Variants in ADH4 observed in about 807,000 individuals in gnomAD.
ADH4 encodes the protein alcohol dehydrogenase 4 (class II), pi polypeptide, also known as all-trans-retinol dehydrogenase [NAD(+)] ADH4.
Under a neutral mutation model 35.2 loss-of-function variants are expected in ADH4, and 31 were observed. The ratio of observed to expected loss-of-function variants is 0.88; its 90% CI spans 0.66 to 1.19. The LOEUF is 1.19. Among genes scored for constraint, ADH4 ranks in the 50% most tolerant of loss-of-function variants. The pLI is 0.00. For synonymous variants in ADH4, 171 were observed against 160.2 expected, an observed-to-expected ratio of 1.07 and a Z score of -0.51; for missense variants, 476 against 458.3, an observed-to-expected ratio of 1.04 and a Z score of -0.35.
chr4:99,134,804 C>T (rs1432783347), intron 5 of ADH4, among the ~76,000 whole-genome samples: 1 of 151,006 alleles, frequency 6.6e-6, no homozygotes, highest in South Asian at 2.1e-4. Context: ...ATAAAATTCT[C>T]AATGAAGAGT....
intron 5 of ADH4, chr4:99,133,883 T>G (rs1311711978): frequency 6.6e-6 from 1 of 152,152 alleles, no homozygotes; most frequent in Non-Finnish European, 1.5e-5. Context: ...TATTTATCAA[T>G]AATATTAGGT....
intron 1 of ADH4, 116 bp from the exon 2 acceptor site, chr4:99,142,896 T>C (rs1729676570): frequency 3.1e-6 from 2 of 646,546 alleles, no homozygotes; most frequent in Non-Finnish European, 2.6e-6. Context: ...TGTAATTTCA[T>C]GACAAAGAGT....
rs756426209 is a variant in ADH4 at position 99,126,607 on chromosome 4, T to G, written c.1105A>C (p.Asn369His). The G allele has an allele frequency of 6.2e-7, 1 of 1,607,354 alleles. No homozygotes were observed. Among genetic ancestry groups the G allele is most frequent in the Admixed American group, 1.7e-5 (1 of 59,918 alleles). ...TTAGTAATGTACCTTTTTCCTTGGT[T>G]CATTAGGTCAAATGCCTCACTGATT... ...DKISEAFDLM[N>H]QGKSVRTILI... is the part of the protein sequence containing the mutation. Residue 369 changes from asparagine (N) to histidine (H), a missense_variant, in exon 8 of 9, where the codon AAC becomes CAC. Transcript: ENST00000265512.
At chr4:99,130,418 C>A (rs1479606729) in intron 6 of ADH4, among the ~76,000 whole-genome samples, 4 of 152,158 alleles carry the variant, frequency 2.6e-5, no homozygotes, top group African/African-American at 4.8e-5. Context: ...TGTTAGTAAA[C>A]AATCCTTGTG....
chr4:99,140,760 G>A (rs1369786870), intron 3 of ADH4, among the ~76,000 whole-genome samples: 2 of 151,480 alleles, frequency 1.3e-5, no homozygotes, highest in African/African-American at 2.4e-5. Flanking sequence ...CCAGCTACTC[G>A]GGAGGCTGAA....
At position 99,124,092 on chromosome 4, in the gene ADH4, C is replaced by T. The variant is rs1264927918; in HGVS notation, c.*350G>A. 1 of 204,474 alleles carries T rather than the reference C, an allele frequency of 4.9e-6. No homozygotes were observed. Among genetic ancestry groups the T allele is most frequent in the Non-Finnish European group, 9.6e-6 (1 of 104,390 alleles). The allele number at this position is 204,474 out of a possible 1,614,324, so 12.7% of individuals were successfully genotyped here. ...GTGGAGAGAAAAGTATAATGAAACT[C>T]CATGTATTCATTACCCAATCTAAAA... On this transcript the variant is annotated 3_prime_UTR_variant, in exon 9 of 9. Coordinates refer to ENST00000265512, the MANE Select transcript of ADH4 (RefSeq NM_000670.5).
chr4:99,124,945 G>C (rs1235924083), intron 8 of ADH4, among the ~76,000 whole-genome samples: 1 of 152,136 alleles, frequency 6.6e-6, no homozygotes, highest in Non-Finnish European at 1.5e-5. Context: ...CTCAAGGACA[G>C]AGCAGTCTTT....
chr4:99,141,477 C>A, intron 3 of ADH4, 64 bp downstream of exon 3: 1 of 1,494,664 alleles, frequency 6.7e-7, no homozygotes, highest in Non-Finnish European at 9.0e-7. Flanking sequence ...CAAGCCAGGA[C>A]TCTATCAATA....
At chr4:99,141,428 A>G in intron 3 of ADH4, 113 bp downstream of exon 3, 1 of 1,012,794 alleles carries the variant, frequency 9.9e-7, no homozygotes, top group African/African-American at 1.6e-5. Flanking sequence ...TTTGGAAAAG[A>G]TGGTCCCCTT....
chr4:99,132,889 T>A (rs183053410), intron 5 of ADH4, among the ~76,000 whole-genome samples: 3 of 152,334 alleles, frequency 2.0e-5, no homozygotes, highest in Admixed American at 6.5e-5. Flanking sequence ...ATATTTTCCT[T>A]ATTTACTATA....
intron 5 of ADH4, among the ~76,000 whole-genome samples, chr4:99,132,326 G>A (rs949821310): frequency 2.0e-5 from 3 of 152,118 alleles, no homozygotes; most frequent in Non-Finnish European, 2.9e-5. Flanking sequence ...TTCTCATGCC[G>A]TAGTTGACGC....
chr4:99,140,000 T>C (rs1729560740), intron 3 of ADH4, among the ~76,000 whole-genome samples: 1 of 152,224 alleles, frequency 6.6e-6, no homozygotes, highest in East Asian at 1.9e-4. Flanking sequence ...AGTGGCACGG[T>C]TCATCTGGCC....
chr4:99,132,762 G>A (rs934435639), intron 5 of ADH4, among the ~76,000 whole-genome samples: 1 of 152,098 alleles, frequency 6.6e-6, no homozygotes, highest in African/African-American at 2.4e-5. Context: ...TTCCTAATGA[G>A]GATGCAAAGC....
At chr4:99,144,102 G>C in intron 1 of ADH4, 103 bp downstream of exon 1, 1 of 1,351,318 alleles carries the variant, frequency 7.4e-7, no homozygotes, top group Non-Finnish European at 1.1e-6. Flanking sequence ...TTGATCAACT[G>C]TAAGTCACTG....
chr4:99,132,349 C>G (rs1385369667), intron 5 of ADH4, among the ~76,000 whole-genome samples: 1 of 152,180 alleles, frequency 6.6e-6, no homozygotes, highest in Non-Finnish European at 1.5e-5. Context: ...CTCCCTCAGA[C>G]TGATGTACTT....
At chr4:99,132,743 A>T (rs6822348) in intron 5 of ADH4, among the ~76,000 whole-genome samples, 113,796 of 152,088 alleles carry the variant, frequency 0.75, 43,130 homozygotes, top group East Asian at 1. Flanking sequence ...ATAGAGAAAT[A>T]CTTAATATTT....
chr4:99,142,879 T>C (rs1425939752), intron 1 of ADH4, 99 bp from the exon 2 acceptor site: 2 of 708,826 alleles, frequency 2.8e-6, no homozygotes, highest in Non-Finnish European at 4.6e-6. Context: ...TTAGAATATA[T>C]TGATACTGTA....
intron 6 of ADH4, among the ~76,000 whole-genome samples, chr4:99,127,583 C>T (rs1729139616): frequency 1.3e-5 from 2 of 152,172 alleles, no homozygotes; most frequent in Non-Finnish European, 2.9e-5. Flanking sequence ...AATCCTAGAA[C>T]TTTGGGTGGC....
At chr4:99,139,907 C>G (rs1325967954) in intron 3 of ADH4, among the ~76,000 whole-genome samples, 1 of 152,120 alleles carries the variant, frequency 6.6e-6, no homozygotes, top group Non-Finnish European at 1.5e-5. Context: ...TTTTGGGAAG[C>G]AATTTGTTTG....
Sources: allele counts gnomAD v4.1 joint callset (sites outside exome capture counted in the v4.1 genomes callset), GRCh38; gene constraint gnomAD v4.1.1; transcripts MANE v1.5; gene names NCBI Gene and HGNC (gene_info 2026-07-23, HGNC 2026-07-21).